PRKG1: variants seen among roughly 807,000 people sequenced by gnomAD.
The protein encoded by PRKG1 is protein kinase cGMP-dependent 1, also known as cGMP-dependent protein kinase 1.
In PRKG1, 35 loss-of-function variants were observed where a neutral mutation model predicts 88.1. The observed-to-expected ratio is 0.40, with a 90% confidence interval of 0.30 to 0.53. PRKG1 has a LOEUF of 0.53. Among genes scored for constraint, PRKG1 ranks in the 20% least tolerant of loss-of-function variants. The pLI, the probability that PRKG1 is intolerant of heterozygous loss-of-function variation, is 0.59. For missense variants in PRKG1, 540 were observed against 839.8 expected (o/e 0.64, Z 4.41); for synonymous variants, 303 against 292.5 (o/e 1.04, Z -0.37).
At chr10:51,055,934 T>A (rs1344383736) in intron 1 of PRKG1, among the ~76,000 whole-genome samples, 1 of 152,080 alleles carries the variant, frequency 6.6e-6, no homozygotes, top group African/African-American at 2.4e-5. Flanking sequence ...CTACATTACT[T>A]ATGGACAGAC....
rs1049189331 is a variant in PRKG1 at position 51,152,026 on chromosome 10, T to C, written c.312-1138T>C. Among the ~76,000 whole-genome samples, 16 of 152,092 alleles carry C rather than the reference T, an allele frequency of 1.1e-4. 1 individual carries two copies. The highest frequency in any genetic ancestry group is 1.0e-3 in the Admixed American group (16 of 15,254). On this transcript the variant is annotated intron_variant, in intron 1 of 17. Coordinates refer to ENST00000373980, the MANE Select transcript of PRKG1 (RefSeq NM_006258.4). Reference sequence around the variant, plus strand: ...CATTCCAAATGTGCTGCCTCCTCTCTGGATTGCTAAGTTCTTTGCTTTCAT... The same window carrying C: ...CATTCCAAATGTGCTGCCTCCTCTCCGGATTGCTAAGTTCTTTGCTTTCAT...
chr10:51,367,776 G>A (rs567138925), intron 2 of PRKG1, among the ~76,000 whole-genome samples: 1 of 151,920 alleles, frequency 6.6e-6, no homozygotes, highest in East Asian at 1.9e-4. Context: ...TACTAACACA[G>A]TGTTTTTTGG....
At chr10:51,185,969 A>G (rs1252380452) in intron 2 of PRKG1, among the ~76,000 whole-genome samples, 1 of 151,852 alleles carries the variant, frequency 6.6e-6, no homozygotes, top group Non-Finnish European at 1.5e-5. Context: ...TATCTTAATG[A>G]AAAGTGATTT....
At chr10:51,141,595 CTATT>C (rs1384117119) in intron 1 of PRKG1, among the ~76,000 whole-genome samples, 1 of 152,118 alleles carries the variant, frequency 6.6e-6, no homozygotes, top group African/African-American at 2.4e-5. Context: ...TAAATATTAA[CTATT>C]TACTACTGAA....
At chr10:51,708,017 T>G (rs1841652168) in intron 3 of PRKG1, among the ~76,000 whole-genome samples, 1 of 152,226 alleles carries the variant, frequency 6.6e-6, no homozygotes, top group African/African-American at 2.4e-5. Context: ...AAGTGGTGGT[T>G]ATTTTCATGA....
intron 4 of PRKG1, among the ~76,000 whole-genome samples, chr10:51,823,195 A>C (rs185695749): frequency 6.6e-6 from 1 of 152,228 alleles, no homozygotes; most frequent in East Asian, 1.9e-4. Context: ...TGGGACCAAA[A>C]AGCTTGAGAA....
At chr10:51,272,073 G>A (rs777558090) in intron 2 of PRKG1, among the ~76,000 whole-genome samples, 6 of 152,130 alleles carry the variant, frequency 3.9e-5, no homozygotes, top group Non-Finnish European at 8.8e-5. Flanking sequence ...ATCTTCTCCA[G>A]TATCTGTTGT....
intron 1 of PRKG1, among the ~76,000 whole-genome samples, chr10:51,117,221 G>A (rs1229622151): frequency 6.6e-6 from 1 of 152,104 alleles, no homozygotes; most frequent in African/African-American, 2.4e-5. Context: ...TTTCACTCTG[G>A]TACAAAGCAA....
intron 1 of PRKG1, among the ~76,000 whole-genome samples, chr10:50,994,705 T>C (rs1157506159): frequency 6.6e-6 from 1 of 152,024 alleles, no homozygotes; most frequent in Non-Finnish European, 1.5e-5. Context: ...AAATACCCAG[T>C]TTTTATACCA....
intron 3 of PRKG1, among the ~76,000 whole-genome samples, chr10:51,635,477 AT>A (rs199883309): frequency 6.6e-6 from 1 of 151,934 alleles, no homozygotes; most frequent in Non-Finnish European, 1.5e-5. Flanking sequence ...GATTAAATAA[AT>A]TTTTTTTCTT....
chr10:51,074,582 C>G lies in PRKG1; in HGVS notation c.-9C>G. On this transcript the variant is annotated 5_prime_UTR_variant, in exon 1 of 18. Transcript: ENST00000373980. ...CGGCAGGAAGGAGCCCCCGGCAGCC[C>G]GGAGGAGCATGGGCACCTTGCGGGA... The G allele has an allele frequency of 6.2e-7, 1 of 1,603,478 alleles. No homozygotes were observed. The highest frequency in any genetic ancestry group is 2.2e-5 in the East Asian group (1 of 44,504).
At chr10:51,405,618 C>A (rs1048855235) in intron 2 of PRKG1, among the ~76,000 whole-genome samples, 55 of 152,160 alleles carry the variant, frequency 3.6e-4, no homozygotes, top group Admixed American at 5.2e-4. Flanking sequence ...GGAAATGAAG[C>A]CTTTGGCAAA....
intron 2 of PRKG1, among the ~76,000 whole-genome samples, chr10:51,207,505 A>ATT (rs541934470): frequency 6.6e-6 from 1 of 151,188 alleles, no homozygotes; most frequent in Non-Finnish European, 1.5e-5. Flanking sequence ...CCTTATTATT[A>ATT]TTTTTTTTTA....
At position 51,424,575 on chromosome 10, in the gene PRKG1, A is replaced by G. The variant is rs1189643960; in HGVS notation, c.479-43148A>G. On this transcript the variant is annotated intron_variant, in intron 2 of 17. Transcript: ENST00000373980. Reference sequence around the variant, plus strand: ...ATATCCATGTGATCATGTTTACAACATATTCCTATATAGGTACTTCTTGTC... The same window carrying G: ...ATATCCATGTGATCATGTTTACAACGTATTCCTATATAGGTACTTCTTGTC... 2.0e-5 allele frequency among the ~76,000 whole-genome samples: 3 copies of G among 152,270 alleles called. No individual in the cohort carries two copies. In the East Asian group the frequency reaches 5.8e-4, roughly 29 times the overall value.
intron 5 of PRKG1, among the ~76,000 whole-genome samples, chr10:51,932,779 C>T (rs898932365): frequency 6.6e-6 from 1 of 152,020 alleles, no homozygotes; most frequent in African/African-American, 2.4e-5. Context: ...CAATGAGGAG[C>T]TTTCAGTTAC....
intron 3 of PRKG1, among the ~76,000 whole-genome samples, chr10:51,611,054 T>TAAA (rs759867340): frequency 6.9e-6 from 1 of 145,618 alleles, no homozygotes. Flanking sequence ...AACTTACAGT[T>TAAA]AAAAAAAAAA....
chr10:52,081,938 A>G (rs1001085923), intron 7 of PRKG1, among the ~76,000 whole-genome samples: 1 of 152,140 alleles, frequency 6.6e-6, no homozygotes, highest in African/African-American at 2.4e-5. Flanking sequence ...TATCCGTATT[A>G]GTCCATTCTC....
chr10:51,063,078 T>C (rs1052390114), intron 1 of PRKG1: 4 of 152,256 alleles, frequency 2.6e-5, no homozygotes, highest in African/African-American at 9.6e-5. Flanking sequence ...GTTTTTCTGA[T>C]TTTTAACTTG....
intron 2 of PRKG1, among the ~76,000 whole-genome samples, chr10:51,172,648 G>GTATGTATC (rs1837072754): frequency 7.3e-5 from 3 of 41,016 alleles, no homozygotes; most frequent in Non-Finnish European, 1.6e-4. Flanking sequence ...ATGTATGTAT[G>GTATGTATC]TATCTATCTA....
Sources: allele counts gnomAD v4.1 joint callset (sites outside exome capture counted in the v4.1 genomes callset), GRCh38; gene constraint gnomAD v4.1.1; transcripts MANE v1.5; gene names NCBI Gene and HGNC (gene_info 2026-07-23, HGNC 2026-07-21).